Variants in LMTK2 observed in about 807,000 individuals in gnomAD.
The protein encoded by LMTK2 is lemur tail kinase 2, also known as serine/threonine-protein kinase LMTK2.
A neutral mutation model predicts 127.5 loss-of-function variants in LMTK2; 37 were observed. That is an observed-to-expected ratio of 0.29 (90% CI 0.22 to 0.38). LMTK2 has a LOEUF of 0.38. LMTK2 is among the 10% of genes least tolerant of loss of function. LMTK2 has a pLI of 1.00. For synonymous variants in LMTK2, 819 were observed against 810.1 expected (o/e 1.01, Z -0.19); for missense variants, 1,694 against 1,920.3 (o/e 0.88, Z 2.20).
Position 98,117,103 on chromosome 7 carries a change from C to T in LMTK2, c.103+9823C>T, listed in dbSNP as rs1172670645. 2.0e-5 allele frequency among the ~76,000 whole-genome samples: 3 copies of T among 152,318 alleles called. No individual in the cohort carries two copies. In the East Asian group the frequency reaches 5.8e-4, roughly 29 times the overall value. On this transcript the variant is annotated intron_variant, in intron 1 of 13. Transcript: ENST00000297293. The stretch of plus-strand genomic sequence containing the variant: ...TGTCAGCTTTCACCCTGTAAAGTTA[C>T]TCTGTCCTCCCCTCCCCATGGTGTA...
At chr7:98,177,359 A>C (rs117674721) in intron 7 of LMTK2, among the ~76,000 whole-genome samples, 2,217 of 152,336 alleles carry the variant, frequency 0.015, 27 homozygotes, top group South Asian at 0.041. Flanking sequence ...GTATGAAGAA[A>C]ACTATGAAAT....
At chr7:98,189,633 C>T (rs530645897) in intron 9 of LMTK2, among the ~76,000 whole-genome samples, 7 of 151,982 alleles carry the variant, frequency 4.6e-5, no homozygotes, top group Admixed American at 3.9e-4. Context: ...GACACAAATG[C>T]GGGATGGAGG....
chr7:98,129,355 A>AGTTTTTTGTTTT (rs1796488693), intron 1 of LMTK2, among the ~76,000 whole-genome samples: 1 of 148,814 alleles, frequency 6.7e-6, no homozygotes. Flanking sequence ...AAGTTTATTC[A>AGTTTTTTGTTTT]GTTTTGTTTT....
At chr7:98,135,603 T>C (rs563124692) in intron 1 of LMTK2, among the ~76,000 whole-genome samples, 16 of 152,306 alleles carry the variant, frequency 1.1e-4, no homozygotes, top group South Asian at 6.2e-4. Flanking sequence ...ATTACAGGCA[T>C]GCTCACTGTG....
intron 5 of LMTK2, 109 bp downstream of exon 5, chr7:98,154,985 G>A (rs1796907381): frequency 5.9e-6 from 4 of 673,426 alleles, no homozygotes; most frequent in Non-Finnish European, 1.1e-5. Context: ...GATTAAGTAA[G>A]TTCCAAGGTC....
intron 5 of LMTK2, among the ~76,000 whole-genome samples, chr7:98,156,832 C>T (rs1796932396): frequency 6.6e-6 from 1 of 152,178 alleles, no homozygotes; most frequent in African/African-American, 2.4e-5. Context: ...AGGCTGAAGG[C>T]TGTCTGCTGG....
chr7:98,147,402 T>C (rs1199706078), intron 3 of LMTK2, among the ~76,000 whole-genome samples: 1 of 152,126 alleles, frequency 6.6e-6, no homozygotes, highest in Non-Finnish European at 1.5e-5. Flanking sequence ...TTTAATTTCT[T>C]ATAGAGGCAG....
At chr7:98,127,980 TA>T (rs1196987800) in intron 1 of LMTK2, among the ~76,000 whole-genome samples, 6 of 152,100 alleles carry the variant, frequency 3.9e-5, no homozygotes, top group Admixed American at 3.3e-4. Flanking sequence ...CCGTCTCTAC[TA>T]AAAAATACAA....
At chr7:98,175,251 A>G (rs1320022837) in intron 7 of LMTK2, among the ~76,000 whole-genome samples, 1 of 152,232 alleles carries the variant, frequency 6.6e-6, no homozygotes, top group Admixed American at 6.5e-5. Context: ...AAGAATGGGC[A>G]TCAGTTGAAG....
chr7:98,128,455 G>A (rs1796474531), intron 1 of LMTK2, among the ~76,000 whole-genome samples: 2 of 152,192 alleles, frequency 1.3e-5, no homozygotes, highest in Admixed American at 6.5e-5. Context: ...CAGCCCTGCC[G>A]ACACCTAGTC....
In LMTK2 at chr7:98,139,200, C is replaced by A. The variant is rs1311555017; in HGVS notation, c.231+1758C>A. Among the ~76,000 whole-genome samples, 6 of 152,292 alleles carry A rather than the reference C, an allele frequency of 3.9e-5. No individual in the cohort carries two copies. In the East Asian group the frequency reaches 1.2e-3, roughly 29 times the overall value. Reference sequence around the variant, plus strand: ...GATCACACTTCACTACAGCCTCAACCTCCCAGGCTCAAGCAATCCTCCCAC... The same window carrying A: ...GATCACACTTCACTACAGCCTCAACATCCCAGGCTCAAGCAATCCTCCCAC... On this transcript the variant is annotated intron_variant, in intron 2 of 13. Coordinates refer to ENST00000297293, the MANE Select transcript of LMTK2 (RefSeq NM_014916.4).
At chr7:98,180,567 A>G (rs530999182) in intron 7 of LMTK2, among the ~76,000 whole-genome samples, 4 of 152,314 alleles carry the variant, frequency 2.6e-5, no homozygotes, top group African/African-American at 7.2e-5. Flanking sequence ...AATAAATTCT[A>G]TAATTGTTCT....
At chr7:98,159,963 ATAT>A (rs1562909493) in intron 6 of LMTK2, among the ~76,000 whole-genome samples, 2 of 152,214 alleles carry the variant, frequency 1.3e-5, no homozygotes, top group Admixed American at 1.3e-4. Context: ...TAGCATGATA[ATAT>A]TATTTATTGG....
chr7:98,192,813 T>G lies in LMTK2; in HGVS notation c.2348T>G (p.Leu783Trp), dbSNP rs1353297520. Residue 783 changes from leucine to tryptophan, a missense_variant, in exon 11 of 14, where the codon TTG becomes TGG. Leu to Trp is a moderately conservative substitution (Grantham distance 61). This residue lies in a region of LMTK2 where 527 missense variants were observed against 539.8 expected (regional missense o/e 0.98). Transcript: ENST00000297293. ...GAAAATAAGCCAGGCTTGTCTTTGT[T>G]GCAGGAAAACGTAAGCACAAAGGGT... is the stretch of plus-strand genomic sequence containing the variant. ...FAENKPGLSL[L>W]QENVSTKGDD... is the part of the protein sequence containing the mutation. 4 of 1,613,718 alleles carry G rather than the reference T, an allele frequency of 2.5e-6. No homozygotes were observed. The highest frequency in any genetic ancestry group is 2.5e-6 in the Non-Finnish European group (3 of 1,179,798).
At chr7:98,139,836 A>G (rs1279616711) in intron 2 of LMTK2, among the ~76,000 whole-genome samples, 1 of 152,194 alleles carries the variant, frequency 6.6e-6, no homozygotes, top group African/African-American at 2.4e-5. Context: ...AAATGAAAAT[A>G]AAAGTTCATA....
chr7:98,204,234 G>T, intron 13 of LMTK2, 48 bp downstream of exon 13: 2 of 758,286 alleles, frequency 2.6e-6, no homozygotes, highest in South Asian at 1.4e-5. Context: ...GTCGGGGGTG[G>T]GGCGCTGCAG....
At chr7:98,177,383 G>A (rs1584282873) in intron 7 of LMTK2, among the ~76,000 whole-genome samples, 1 of 152,192 alleles carries the variant, frequency 6.6e-6, no homozygotes, top group South Asian at 2.1e-4. Context: ...ATTGAAGAAT[G>A]TAAAATAACA....
Position 98,192,333 on chromosome 7 carries a change from A to G in LMTK2, c.1868A>G (p.His623Arg). ...PKDSSLPGDL[H>R]VTSGPESPFN... ...GACTCTAGCTTACCAGGGGACTTAC[A>G]CGTGACCAGTGGCCCCGAGAGCCCT... Residue 623 changes from histidine (H) to arginine (R), a missense_variant, in exon 11 of 14, where the codon CAC becomes CGC. Coordinates refer to ENST00000297293, the MANE Select transcript of LMTK2 (RefSeq NM_014916.4). 1.3e-6 allele frequency: 2 copies of G among 1,571,150 alleles called. No homozygotes were observed. The highest frequency in any genetic ancestry group is 1.7e-6 in the Non-Finnish European group (2 of 1,163,400).
At position 98,131,526 on chromosome 7, in the gene LMTK2, A is replaced by G. The variant is rs185216175; in HGVS notation, c.104-5789A>G. On this transcript the variant is annotated intron_variant, in intron 1 of 13. Coordinates refer to ENST00000297293, the MANE Select transcript of LMTK2 (RefSeq NM_014916.4). ...ATTGACATTTGGATCTAGGTGGTTG[A>G]TTAGATTCAGGTTTGATATTGTTTT... 6.8e-3 allele frequency among the ~76,000 whole-genome samples: 1,028 copies of G among 151,896 alleles called. 5 individuals are homozygous for G. The highest frequency in any genetic ancestry group is 0.01 in the Non-Finnish European group (711 of 67,962).
Sources: gnomAD v4.1 joint callset for allele counts (sites outside exome capture counted in the v4.1 genomes callset) on GRCh38, gnomAD v4.1.1 for gene constraint, gnomAD v4.1.1 regional missense constraint, MANE v1.5 for transcripts, NCBI Gene and HGNC (gene_info 2026-07-23, HGNC 2026-07-21) for gene names.